Variants in LRBA observed in about 807,000 individuals in gnomAD.
LRBA encodes LPS responsive beige-like anchor protein, also known as lipopolysaccharide-responsive and beige-like anchor protein.
LRBA carries 176 observed loss-of-function variants against 330.0 expected under a neutral mutation model. The ratio of observed to expected loss-of-function variants is 0.53; its 90% confidence interval spans 0.47 to 0.60. The LOEUF (loss-of-function observed/expected upper bound fraction) is 0.60, where lower values mean the gene tolerates loss of function less well. Among genes scored for constraint, LRBA ranks in the 20% least tolerant of loss-of-function variants. LRBA has a pLI of 0.00. For missense variants in LRBA, 3,259 were observed against 3,444.8 expected (o/e 0.95, Z 1.35); for synonymous variants, 1,230 against 1,193.0 (o/e 1.03, Z -0.64).
chr4:150,556,282 T>G (rs891290364), intron 40 of LRBA, among the ~76,000 whole-genome samples: 1 of 152,190 alleles, frequency 6.6e-6, no homozygotes, highest in Non-Finnish European at 1.5e-5. Context: ...TTAAAAACTA[T>G]CTGATGGATG....
intron 8 of LRBA, 104 bp downstream of exon 8, chr4:150,915,504 G>GT: frequency 1.0e-6 from 1 of 986,864 alleles, no homozygotes; most frequent in Admixed American, 2.8e-5. Flanking sequence ...ATCTACCATT[G>GT]TAATACTTTG....
At chr4:150,676,162 C>T (rs924992919) in intron 37 of LRBA, among the ~76,000 whole-genome samples, 5 of 152,030 alleles carry the variant, frequency 3.3e-5, no homozygotes, top group Admixed American at 1.3e-4. Flanking sequence ...TTAATGACAA[C>T]GGCTGAGAAT....
rs1238515729 is a variant in LRBA at position 150,415,678 on chromosome 4, T to C, written c.7042-88A>G. 9 of 773,894 alleles carry C rather than the reference T, an allele frequency of 1.2e-5. 1 individual carries two copies. The highest frequency in any genetic ancestry group is 5.4e-5 in the Admixed American group (2 of 36,954). 47.9% of individuals were successfully genotyped at this position (773,894 alleles called of 1,614,324 possible). A position where few individuals can be genotyped will look rare whatever the true frequency, so the allele number is the denominator to read the frequency against. On this transcript the variant is annotated intron_variant, in intron 46 of 56. Coordinates refer to ENST00000651943, the MANE Select transcript of LRBA (RefSeq NM_001364905.1). ...AAAAGGACCTGATCATTTTCTATTG[T>C]TCAGAAGAACAAAATAAACACAGGG...
chr4:150,924,096 ACAT>A (rs76796427), intron 4 of LRBA, among the ~76,000 whole-genome samples: 19,226 of 152,234 alleles, frequency 0.13, 1,701 homozygotes, highest in Non-Finnish European at 0.18. Flanking sequence ...CCATCTAGAA[ACAT>A]CATTCCTCCA....
At chr4:150,555,678 C>CAG (rs1767213767) in intron 40 of LRBA, among the ~76,000 whole-genome samples, 1 of 151,586 alleles carries the variant, frequency 6.6e-6, no homozygotes, top group Non-Finnish European at 1.5e-5. Context: ...TTGAACCCAG[C>CAG]AGGCAGAGCT....
chr4:150,938,932 T>C (rs566508210), intron 2 of LRBA, among the ~76,000 whole-genome samples: 52 of 152,318 alleles, frequency 3.4e-4, no homozygotes, highest in African/African-American at 1.2e-3. Flanking sequence ...TTAAAAAATA[T>C]ATATTATCTA....
At chr4:150,956,370 T>TA (rs1269942206) in intron 2 of LRBA, among the ~76,000 whole-genome samples, 1 of 147,236 alleles carries the variant, frequency 6.8e-6, no homozygotes, top group Non-Finnish European at 1.5e-5. Flanking sequence ...AAATTAGTAA[T>TA]AAAAAAATCA....
intron 36 of LRBA, among the ~76,000 whole-genome samples, chr4:150,706,341 T>C (rs1582103339): frequency 6.6e-6 from 1 of 151,782 alleles, no homozygotes; most frequent in East Asian, 1.9e-4. Flanking sequence ...TATATAACAG[T>C]AGCATCTTAA....
chr4:150,471,808 C>CACAGA, intron 42 of LRBA, 69 bp from the exon 43 acceptor site: 1 of 781,096 alleles, frequency 1.3e-6, no homozygotes, highest in Non-Finnish European at 2.2e-6. Flanking sequence ...ATTATCTGTG[C>CACAGA]TTATTCATTC....
chr4:150,552,826 T>C (rs1766776158), intron 40 of LRBA, among the ~76,000 whole-genome samples: 1 of 151,860 alleles, frequency 6.6e-6, no homozygotes, highest in African/African-American at 2.4e-5. Flanking sequence ...TCCCAGCACT[T>C]TGGGAGGCTG....
intron 42 of LRBA, among the ~76,000 whole-genome samples, chr4:150,487,026 T>C (rs1478704645): frequency 6.6e-6 from 1 of 151,836 alleles, no homozygotes; most frequent in Non-Finnish European, 1.5e-5. Context: ...AAAATTTCTT[T>C]ATTCATCAGC....
rs1344040462 is a variant in LRBA, at chr4:150,315,620, T to A, written c.7634A>T (p.His2545Leu). Residue 2545 changes from histidine to leucine, a missense_variant, in exon 51 of 57, where the codon CAT becomes CTT. By Grantham distance (99) the His-to-Leu change is moderately conservative. Transcript: ENST00000651943. ...AVNKWHNLPA[H>L]QGAVQDQPYQ... is the part of the protein sequence containing the mutation. ...TGGCTGGTCTTGTACAGCACCTTGA[T>A]GAGCTGGAATTCACAAAAGATAAAG... 7 of 1,576,900 alleles carry A rather than the reference T, an allele frequency of 4.4e-6. No homozygotes were observed. Among genetic ancestry groups the A allele is most frequent in the Non-Finnish European group, 6.0e-6 (7 of 1,167,590 alleles).
intron 47 of LRBA, among the ~76,000 whole-genome samples, chr4:150,381,599 T>C (rs184213201): frequency 1.3e-3 from 194 of 152,358 alleles, no homozygotes; most frequent in Admixed American, 2.6e-3. Flanking sequence ...TTATTAATTA[T>C]TTGGTAGGCA....
intron 48 of LRBA, among the ~76,000 whole-genome samples, chr4:150,330,481 G>T (rs1403732618): frequency 1.3e-5 from 2 of 152,168 alleles, no homozygotes; most frequent in African/African-American, 4.8e-5. Flanking sequence ...TGGTTTCATG[G>T]AAGACAGTTT....
intron 37 of LRBA, among the ~76,000 whole-genome samples, chr4:150,634,076 T>C (rs1056751501): frequency 3.3e-5 from 5 of 152,012 alleles, no homozygotes; most frequent in South Asian, 4.2e-4. Flanking sequence ...GATCGCACCA[T>C]TGCACTCCAG....
At chr4:150,693,124 G>A (rs551474670) in intron 36 of LRBA, among the ~76,000 whole-genome samples, 3 of 152,200 alleles carry the variant, frequency 2.0e-5, no homozygotes, top group Admixed American at 2.0e-4. Flanking sequence ...TGAACAGCTA[G>A]CAGTCTATAC....
intron 2 of LRBA, among the ~76,000 whole-genome samples, chr4:151,000,922 GA>G (rs1246981756): frequency 1.3e-5 from 2 of 152,228 alleles, no homozygotes; most frequent in Non-Finnish European, 2.9e-5. Flanking sequence ...CCACTGCGGG[GA>G]AACAGTAAGT....
intron 31 of LRBA, among the ~76,000 whole-genome samples, chr4:150,810,280 G>C (rs573513893): frequency 5.9e-5 from 9 of 152,310 alleles, no homozygotes; most frequent in African/African-American, 2.2e-4. Flanking sequence ...AGGCAATGCA[G>C]CAATCTTCCA....
chr4:150,397,486 C>T (rs572719617), intron 47 of LRBA, among the ~76,000 whole-genome samples: 76 of 151,980 alleles, frequency 5.0e-4, no homozygotes, highest in Non-Finnish European at 1.0e-3. Flanking sequence ...CTATGTTGTC[C>T]AAGCTAGCTT....
Sources: allele counts gnomAD v4.1 joint callset (sites outside exome capture counted in the v4.1 genomes callset), GRCh38; gene constraint gnomAD v4.1.1; transcripts MANE v1.5; gene names NCBI Gene and HGNC (gene_info 2026-07-23, HGNC 2026-07-21).